The following TRABD2A variants were observed in gnomAD, a reference collection of about 807,000 sequenced individuals.
TRABD2A encodes the protein TraB domain containing 2A.
Under a neutral mutation model 45.6 loss-of-function variants are expected in TRABD2A, and 43 were observed. The ratio of observed to expected loss-of-function variants is 0.94; its 90% CI spans 0.74 to 1.22. TRABD2A has a LOEUF of 1.22. TRABD2A is among the 50% of genes most tolerant of loss of function. TRABD2A has a pLI of 0.00. For missense variants in TRABD2A, 642 were observed against 652.4 expected (o/e 0.98, Z 0.17); for synonymous variants, 269 against 265.0 (o/e 1.02, Z -0.15).
At chr2:84,863,161 G>C (rs1245594628) in intron 2 of TRABD2A, among the ~76,000 whole-genome samples, 1 of 151,670 alleles carries the variant, frequency 6.6e-6, no homozygotes, top group Non-Finnish European at 1.5e-5. Context: ...ATACATAGCA[G>C]TGTTGGGAAA....
At chr2:84,840,332 A>G (rs1212420796) in intron 3 of TRABD2A, among the ~76,000 whole-genome samples, 2 of 151,814 alleles carry the variant, frequency 1.3e-5, no homozygotes, top group Non-Finnish European at 2.9e-5. Context: ...CATTTCCCAA[A>G]ATCTCTTCTC....
At chr2:84,853,802 A>G (rs2105393008) in intron 2 of TRABD2A, among the ~76,000 whole-genome samples, 1 of 152,302 alleles carries the variant, frequency 6.6e-6, no homozygotes, top group East Asian at 1.9e-4. Flanking sequence ...GCCAAGGCAC[A>G]CAAGGTCAGG....
intron 1 of TRABD2A, among the ~76,000 whole-genome samples, chr2:84,876,646 T>C (rs1168991845): frequency 6.6e-6 from 1 of 152,212 alleles, no homozygotes; most frequent in Non-Finnish European, 1.5e-5. Flanking sequence ...TCCAAGCTTT[T>C]AAACGCCATA....
In TRABD2A at chr2:84,824,105, T is replaced by C. The variant is rs1391307972; in HGVS notation, c.1182A>G (p.Ser394=). 1.9e-6 allele frequency: 3 copies of C among 1,613,908 alleles called. No homozygotes were observed. Among genetic ancestry groups the C allele is most frequent in the African/African-American group, 2.7e-5 (2 of 75,072 alleles). The stretch of plus-strand genomic sequence containing the variant: ...CAAGGGGAGGCAGCGTTGAGTGCCC[T>C]GAGGATACGGCTTCTGGTGCCGGTA... ...LEVPAPEAVS[S]GHSTLPPLVS... is the part of the protein sequence containing the mutation. Residue 394 remains serine (S), a synonymous_variant, in exon 6 of 7, where the codon TCA becomes TCG. Transcript: ENST00000409520.
At chr2:84,857,654 A>T (rs899922755) in intron 2 of TRABD2A, among the ~76,000 whole-genome samples, 3 of 152,146 alleles carry the variant, frequency 2.0e-5, no homozygotes, top group Non-Finnish European at 4.4e-5. Context: ...AATCACTATC[A>T]AGTCCACACA....
chr2:84,861,000 C>T (rs1436531911), intron 2 of TRABD2A, among the ~76,000 whole-genome samples: 1 of 152,206 alleles, frequency 6.6e-6, no homozygotes, highest in African/African-American at 2.4e-5. Context: ...TGGGGAGGTG[C>T]TCAGGCAGGT....
rs779136999 is a variant in TRABD2A at position 84,880,909 on chromosome 2, C to T, written c.108+23G>A. On this transcript the variant is annotated intron_variant, in intron 1 of 6. Coordinates refer to ENST00000409520, the MANE Select transcript of TRABD2A (RefSeq NM_001277053.2). ...AAGGAGGTGCAGAGAGGCCGGCTCT[C>T]CAGCACCCGACGCGCGCCTTACTTG... The T allele has an allele frequency of 7.6e-6, 12 of 1,571,744 alleles. No individual in the cohort carries two copies. The African/African-American group carries it at 1.1e-4, about 14-fold the overall frequency.
At position 84,839,251 on chromosome 2, in the gene TRABD2A, G is replaced by C; in HGVS notation, c.889C>G (p.Arg297Gly). The C allele has an allele frequency of 6.2e-7, 1 of 1,613,808 alleles. No homozygotes were observed. The highest frequency in any genetic ancestry group is 1.1e-5 in the South Asian group (1 of 91,070). The change falls in exon 4 of 7, where the codon CGC becomes GGC. Residue 297 changes from arginine (R) to glycine (G), a missense_variant. Coordinates refer to ENST00000409520, the MANE Select transcript of TRABD2A (RefSeq NM_001277053.2). The stretch of plus-strand genomic sequence containing the variant: ...TTCCGCTTGTAGATCAGCTCCCGGC[G>C]TAAGTAGCTGTCAATCTCCTGAGCA... ...ITAQEIDSYLRRELIYKRNER... is the reference protein window; with the variant it reads ...ITAQEIDSYLGRELIYKRNER...
At chr2:84,836,059 A>G (rs1681498082) in intron 4 of TRABD2A, 1 of 152,258 alleles carries the variant, frequency 6.6e-6, no homozygotes, top group African/African-American at 2.4e-5. Flanking sequence ...CATCATATCC[A>G]GCTTTCAATT....
intron 2 of TRABD2A, among the ~76,000 whole-genome samples, chr2:84,858,123 C>T (rs907469422): frequency 3.3e-5 from 5 of 152,136 alleles, no homozygotes; most frequent in African/African-American, 1.2e-4. Context: ...AAGCAATCCT[C>T]CTGCCTCAGC....
At chr2:84,877,779 C>A (rs888936519) in intron 1 of TRABD2A, among the ~76,000 whole-genome samples, 12 of 152,204 alleles carry the variant, frequency 7.9e-5, no homozygotes, top group Admixed American at 7.9e-4. Context: ...ACCCAGCACA[C>A]CCTCAGCTCC....
chr2:84,846,401 A>G (rs193070620), intron 2 of TRABD2A, among the ~76,000 whole-genome samples: 8 of 152,332 alleles, frequency 5.3e-5, no homozygotes, highest in African/African-American at 1.9e-4. Flanking sequence ...CTTCTCACAG[A>G]TTAAAACCCA....
chr2:84,852,835 T>A (rs1682142326), intron 2 of TRABD2A, among the ~76,000 whole-genome samples: 1 of 151,556 alleles, frequency 6.6e-6, no homozygotes, highest in Non-Finnish European at 1.5e-5. Flanking sequence ...CAGAAGGAAA[T>A]AAGGAAAAAG....
intron 2 of TRABD2A, among the ~76,000 whole-genome samples, chr2:84,854,048 T>G (rs1682186443): frequency 6.7e-6 from 1 of 148,598 alleles, no homozygotes; most frequent in African/African-American, 2.4e-5. Flanking sequence ...ATATTTCATA[T>G]ATTATATATA....
chr2:84,841,713 C>T (rs1664525819), intron 3 of TRABD2A, 148 bp downstream of exon 3: 1 of 804,634 alleles, frequency 1.2e-6, no homozygotes, highest in African/African-American at 1.7e-5. Flanking sequence ...TGTAGTGCCT[C>T]ATTCAATGAC....
intron 2 of TRABD2A, among the ~76,000 whole-genome samples, 165 bp from the exon 3 acceptor site, chr2:84,842,172 G>A (rs773874610): frequency 1.3e-5 from 2 of 152,206 alleles, no homozygotes; most frequent in Non-Finnish European, 2.9e-5. Context: ...AGCATCCAAA[G>A]AAAAGGAGAA....
chr2:84,863,856 A>G (rs570353892), intron 2 of TRABD2A, among the ~76,000 whole-genome samples: 1 of 152,288 alleles, frequency 6.6e-6, no homozygotes, highest in East Asian at 1.9e-4. Context: ...GAAAGGGAAG[A>G]GTTCTCTTTC....
chr2:84,866,505 G>A (rs1158013909), intron 2 of TRABD2A, among the ~76,000 whole-genome samples: 1 of 151,836 alleles, frequency 6.6e-6, no homozygotes, highest in Non-Finnish European at 1.5e-5. Context: ...AAAAATCTTT[G>A]TCTATAGGAA....
rs1265569265 is a variant in TRABD2A, at chr2:84,830,874, CG to C, written c.1082+1180del. Among the ~76,000 whole-genome samples, 1 of 152,084 alleles carries C rather than the reference CG, an allele frequency of 6.6e-6. No homozygotes were observed. The highest frequency in any genetic ancestry group is 1.5e-5 in the Non-Finnish European group (1 of 68,012). ...AGGGCAGCTGGAGATGGGCGGCCTT[CG>C]GGCAGACACAACTGCTGGATCCTCT... On this transcript the variant is annotated intron_variant, in intron 5 of 6. Coordinates refer to ENST00000409520, the MANE Select transcript of TRABD2A (RefSeq NM_001277053.2). This position sits in a 1 kb window ranked among gnomAD's most constrained non-coding sequence, Gnocchi z 4.9.
Sources: allele counts gnomAD v4.1 joint callset (sites outside exome capture counted in the v4.1 genomes callset), GRCh38; gene constraint gnomAD v4.1.1; non-coding constraint Gnocchi (gnomAD v3.1); transcripts MANE v1.5; gene names NCBI Gene and HGNC (gene_info 2026-07-23, HGNC 2026-07-21).